The following CCDC102B variants were observed in gnomAD, a reference collection of about 807,000 sequenced individuals.
CCDC102B encodes coiled-coil domain-containing protein 102B.
In CCDC102B, 75 loss-of-function variants were observed where a neutral mutation model predicts 57.4. That is an observed-to-expected ratio of 1.31 (90% confidence interval 1.08 to 1.58). The LOEUF (loss-of-function observed/expected upper bound fraction) is 1.58. CCDC102B is among the 40% of genes most tolerant of loss of function. The probability of loss-of-function intolerance (pLI) is 0.00; values close to 1 mark genes in which losing one functional copy is unlikely to be tolerated. For synonymous variants in CCDC102B, 206 were observed against 201.9 expected (o/e 1.02, Z -0.17); for missense variants, 636 against 582.6 (o/e 1.09, Z -0.94).
At chr18:68,831,119 G>T (rs1204638567) in intron 1 of CCDC102B, among the ~76,000 whole-genome samples, 3 of 151,944 alleles carry the variant, frequency 2.0e-5, no homozygotes, top group Admixed American at 2.0e-4. Context: ...ATGACATCAA[G>T]ATACTATGTG....
intron 6 of CCDC102B, among the ~76,000 whole-genome samples, chr18:68,918,569 A>G (rs1194365201): frequency 6.6e-6 from 1 of 152,230 alleles, no homozygotes; most frequent in Non-Finnish European, 1.5e-5. Context: ...CTGCAAAAGT[A>G]TAGATTTGGA....
intron 2 of CCDC102B, among the ~76,000 whole-genome samples, chr18:68,786,937 C>G (rs2035234706): frequency 1.3e-5 from 2 of 152,172 alleles, no homozygotes; most frequent in South Asian, 4.1e-4. Flanking sequence ...CAGTTTTTGT[C>G]CATTCAGCAT....
chr18:68,975,148 C>T (rs1380772958), intron 6 of CCDC102B, among the ~76,000 whole-genome samples: 1 of 151,966 alleles, frequency 6.6e-6, no homozygotes, highest in African/African-American at 2.4e-5. Context: ...GTGTTGGCAT[C>T]TACCTGAGGC....
chr18:68,871,834 T>C (rs1426338115), intron 4 of CCDC102B, among the ~76,000 whole-genome samples: 1 of 152,194 alleles, frequency 6.6e-6, no homozygotes, highest in African/African-American at 2.4e-5. Flanking sequence ...GAGAGTTTCA[T>C]GATCTGAATT....
intron 1 of CCDC102B, among the ~76,000 whole-genome samples, chr18:68,815,044 T>A (rs1280315897): frequency 6.6e-6 from 1 of 152,184 alleles, no homozygotes; most frequent in African/African-American, 2.4e-5. Context: ...TTCTTTACTA[T>A]TATTTGTTAA....
At chr18:68,848,547 G>A (rs1379457163) in intron 4 of CCDC102B, among the ~76,000 whole-genome samples, 1 of 152,024 alleles carries the variant, frequency 6.6e-6, no homozygotes, top group African/African-American at 2.4e-5. Flanking sequence ...GACACATATA[G>A]AGAAGAGAAA....
At chr18:68,898,790 G>A (rs2040331153) in intron 6 of CCDC102B, among the ~76,000 whole-genome samples, 1 of 152,052 alleles carries the variant, frequency 6.6e-6, no homozygotes, top group African/African-American at 2.4e-5. Flanking sequence ...ACATTATAGT[G>A]ATTGCTAAGA....
At chr18:68,996,203 G>C (rs931811125) in intron 6 of CCDC102B, among the ~76,000 whole-genome samples, 3 of 152,156 alleles carry the variant, frequency 2.0e-5, no homozygotes, top group African/African-American at 7.2e-5. Flanking sequence ...TAAAAGACCA[G>C]CTAGGATAAA....
intron 2 of CCDC102B, among the ~76,000 whole-genome samples, chr18:68,758,138 G>T (rs933202199): frequency 6.6e-6 from 1 of 151,780 alleles, no homozygotes; most frequent in South Asian, 2.1e-4. Flanking sequence ...ATACAAAATT[G>T]ATTTTGATAC....
intron 7 of CCDC102B, among the ~76,000 whole-genome samples, chr18:69,020,784 A>C (rs1376008202): frequency 1.3e-5 from 2 of 152,192 alleles, no homozygotes; most frequent in African/African-American, 4.8e-5. Flanking sequence ...TGTACCAGTA[A>C]AATATAAAGA....
intron 1 of CCDC102B, among the ~76,000 whole-genome samples, chr18:68,811,027 C>T (rs138948074): frequency 0.1 from 15,337 of 152,146 alleles, 999 homozygotes; most frequent in East Asian, 0.3. Context: ...AGGACATGAA[C>T]TCAACCTTTT....
chr18:68,857,230 T>TA lies in CCDC102B; in HGVS notation c.936+10809_936+10810insA, dbSNP rs2038469069. On this transcript the variant is annotated intron_variant, in intron 4 of 7. Coordinates refer to ENST00000360242, the MANE Select transcript of CCDC102B (RefSeq NM_024781.3). ...TATATAAAAATATATTTATATATTT[T>TA]TATATATAAATATATATTTATTATT... is the stretch of plus-strand genomic sequence containing the variant. Among the ~76,000 whole-genome samples the TA allele has an allele frequency of 2.1e-4, 19 of 91,196 alleles. 4 individuals are homozygous for TA. The highest frequency in any genetic ancestry group is 4.9e-4 in the Admixed American group (3 of 6,136). The allele number at this position is 91,196 out of a possible 152,430, so 59.8% of individuals were successfully genotyped here.
chr18:69,011,565 T>C (rs553829505), intron 7 of CCDC102B, among the ~76,000 whole-genome samples: 9 of 152,162 alleles, frequency 5.9e-5, no homozygotes, highest in Non-Finnish European at 1.0e-4. Flanking sequence ...TAATGGTTTA[T>C]AGAATATTTT....
intron 6 of CCDC102B, among the ~76,000 whole-genome samples, chr18:68,938,399 TG>T (rs1264684033): frequency 6.6e-6 from 1 of 152,038 alleles, no homozygotes; most frequent in Non-Finnish European, 1.5e-5. Context: ...CAGCATTTTG[TG>T]TATGGTAAAG....
chr18:69,052,508 C>T (rs541419148), intron 7 of CCDC102B, among the ~76,000 whole-genome samples: 63 of 151,964 alleles, frequency 4.1e-4, no homozygotes, highest in African/African-American at 1.4e-3. Context: ...TACACACACA[C>T]ACATACATAG....
At chr18:68,974,626 C>T (rs2050386368) in intron 6 of CCDC102B, among the ~76,000 whole-genome samples, 1 of 151,650 alleles carries the variant, frequency 6.6e-6, no homozygotes, top group Non-Finnish European at 1.5e-5. Flanking sequence ...TTTAATATAC[C>T]ATACTTTTCC....
chr18:68,812,756 T>G (rs2036317613), intron 1 of CCDC102B, among the ~76,000 whole-genome samples: 1 of 152,222 alleles, frequency 6.6e-6, no homozygotes, highest in Non-Finnish European at 1.5e-5. Context: ...TCTACATTTT[T>G]GTTGTTGTTG....
At chr18:68,936,261 G>A (rs573542127) in intron 6 of CCDC102B, among the ~76,000 whole-genome samples, 51 of 151,912 alleles carry the variant, frequency 3.4e-4, no homozygotes, top group African/African-American at 1.2e-3. Context: ...ATGTTGTATA[G>A]CGGTTATTCA....
chr18:69,004,431 A>C (rs567713251), intron 6 of CCDC102B, among the ~76,000 whole-genome samples: 4 of 152,246 alleles, frequency 2.6e-5, no homozygotes, highest in South Asian at 4.1e-4. Flanking sequence ...AATGATCACC[A>C]GGAAGTTGGT....
Sources: gnomAD v4.1 joint callset for allele counts (sites outside exome capture counted in the v4.1 genomes callset) on GRCh38, gnomAD v4.1.1 for gene constraint, MANE v1.5 for transcripts, NCBI Gene and HGNC (gene_info 2026-07-23, HGNC 2026-07-21) for gene names.